The following AP3S1 variants were observed in gnomAD, a reference collection of about 807,000 sequenced individuals.
The protein encoded by AP3S1 is adaptor related protein complex 3 subunit sigma 1, also known as AP-3 complex subunit sigma-1.
Under a neutral mutation model 21.3 loss-of-function variants are expected in AP3S1, and 12 were observed. That is an observed-to-expected ratio of 0.56 (90% CI 0.36 to 0.91). The LOEUF (loss-of-function observed/expected upper bound fraction) is 0.91, where lower values mean the gene tolerates loss of function less well. AP3S1 is among the 40% of genes least tolerant of loss of function. The pLI, the probability that AP3S1 is intolerant of heterozygous loss-of-function variation, is 0.01. For missense variants in AP3S1, 116 were observed against 225.0 expected (o/e 0.52, Z 3.10); for synonymous variants, 48 against 78.4 (o/e 0.61, Z 2.05).
At position 115,844,670 on chromosome 5, in the gene AP3S1, T is replaced by C. The variant is rs140264562; in HGVS notation, c.69+2564T>C. On this transcript the variant is annotated intron_variant, in intron 1 of 5. Coordinates refer to ENST00000316788, the MANE Select transcript of AP3S1 (RefSeq NM_001284.4). Reference sequence around the variant, plus strand: ...GTCATTCTATTCTTGCTGCCTGGAATGTCCTTCCTTTCCATTGCCACGTGT... The same window carrying C: ...GTCATTCTATTCTTGCTGCCTGGAACGTCCTTCCTTTCCATTGCCACGTGT... 6.0e-3 allele frequency among the ~76,000 whole-genome samples: 917 copies of C among 152,306 alleles called. 10 individuals are homozygous for C. Among genetic ancestry groups the C allele is most frequent in the Non-Finnish European group, 7.7e-3 (521 of 68,022 alleles).
Position 115,854,679 on chromosome 5 carries a change from CT to C in AP3S1, c.70-11978del, listed in dbSNP as rs3984983. Among the ~76,000 whole-genome samples the C allele has an allele frequency of 9.8e-3, 1,407 of 143,624 alleles. 6 individuals carry two copies. The highest frequency in any genetic ancestry group is 0.021 in the African/African-American group (849 of 39,552). 94.2% of individuals were successfully genotyped at this position (143,624 alleles called of 152,430 possible). On this transcript the variant is annotated intron_variant, in intron 1 of 5. Coordinates refer to ENST00000316788, the MANE Select transcript of AP3S1 (RefSeq NM_001284.4). ...TCTGAGGCTTTGTCCTCAGATATCTCTTTTTTTTTTTTTAAGTGCAACATAA... is the reference window on the plus strand; with the variant it reads ...TCTGAGGCTTTGTCCTCAGATATCTCTTTTTTTTTTTTAAGTGCAACATAA...
Position 115,866,011 on chromosome 5 carries a change from T to C in AP3S1, c.70-659T>C, listed in dbSNP as rs577558887. ...CGGGGTTTCACTGTGTTGGCCAGGA[T>C]GGTCTCGATCTCCTGACCTTGTGAT... On this transcript the variant is annotated intron_variant, in intron 1 of 5. Coordinates refer to ENST00000316788, the MANE Select transcript of AP3S1 (RefSeq NM_001284.4). 6.6e-5 allele frequency among the ~76,000 whole-genome samples: 10 copies of C among 152,300 alleles called. No homozygotes were observed. In the South Asian group the frequency reaches 1.9e-3, roughly 28 times the overall value.
At chr5:115,905,360 A>T (rs1382471894) in intron 5 of AP3S1, among the ~76,000 whole-genome samples, 1 of 152,224 alleles carries the variant, frequency 6.6e-6, no homozygotes, top group African/African-American at 2.4e-5. Flanking sequence ...TATTTAAAAT[A>T]GTTTAGAATA....
chr5:115,849,056 A>G lies in AP3S1; in HGVS notation c.69+6950A>G, dbSNP rs535991373. Among the ~76,000 whole-genome samples the G allele has an allele frequency of 2.6e-5, 4 of 152,094 alleles. No individual in the cohort carries two copies. In the South Asian group the frequency reaches 8.3e-4, roughly 32 times the overall value. On this transcript the variant is annotated intron_variant, in intron 1 of 5. Coordinates refer to ENST00000316788, the MANE Select transcript of AP3S1 (RefSeq NM_001284.4). ...TGGATACTTTCTGATCTGTCTCTCCATTACACTCTTTCTCTTTTCCTGTCC... is the reference window on the plus strand; with the variant it reads ...TGGATACTTTCTGATCTGTCTCTCCGTTACACTCTTTCTCTTTTCCTGTCC...
At chr5:115,896,997 T>TA (rs1399339897) in intron 4 of AP3S1, among the ~76,000 whole-genome samples, 1 of 152,202 alleles carries the variant, frequency 6.6e-6, no homozygotes, top group Non-Finnish European at 1.5e-5. Flanking sequence ...AATTAAGCTG[T>TA]ACTCATCTGC....
intron 1 of AP3S1, among the ~76,000 whole-genome samples, chr5:115,854,606 C>T (rs1241151230): frequency 2.0e-5 from 3 of 151,904 alleles, no homozygotes; most frequent in African/African-American, 7.3e-5. Context: ...ACTGAATTTT[C>T]TTTGCTAGGG....
Position 115,869,678 on chromosome 5 carries a change from G to C in AP3S1, c.162-339G>C, listed in dbSNP as rs74898206. On this transcript the variant is annotated intron_variant, in intron 2 of 5. Coordinates refer to ENST00000316788, the MANE Select transcript of AP3S1 (RefSeq NM_001284.4). ...CATCAATATATCATCATTGTATTTT[G>C]ATTGTCAGTGTAACACTTGCCACTA... is the stretch of plus-strand genomic sequence containing the variant. Among the ~76,000 whole-genome samples, 462 of 152,200 alleles carry C rather than the reference G, an allele frequency of 3.0e-3. 3 individuals carry two copies. The highest frequency in any genetic ancestry group is 0.011 in the African/African-American group (441 of 41,512).
intron 3 of AP3S1, among the ~76,000 whole-genome samples, chr5:115,886,220 A>G (rs975582697): frequency 3.3e-5 from 5 of 152,162 alleles, no homozygotes; most frequent in African/African-American, 1.2e-4. Context: ...GAACAGTGGT[A>G]ATGCCACAAT....
At chr5:115,874,237 A>G (rs947565872) in intron 3 of AP3S1, among the ~76,000 whole-genome samples, 1 of 152,060 alleles carries the variant, frequency 6.6e-6, no homozygotes, top group Non-Finnish European at 1.5e-5. Flanking sequence ...TTTTAGTGTG[A>G]TATTAACTGC....
At chr5:115,887,124 C>T (rs978011613) in intron 3 of AP3S1, among the ~76,000 whole-genome samples, 5 of 152,124 alleles carry the variant, frequency 3.3e-5, no homozygotes, top group African/African-American at 1.2e-4. Context: ...AATTGTTCTT[C>T]AAAGGTAAAT....
intron 3 of AP3S1, among the ~76,000 whole-genome samples, chr5:115,873,509 A>G (rs1044394169): frequency 2.6e-5 from 4 of 152,166 alleles, no homozygotes; most frequent in African/African-American, 9.6e-5. Flanking sequence ...AATTCACCTT[A>G]TAGGTACTAT....
At chr5:115,862,963 A>G (rs1763312507) in intron 1 of AP3S1, among the ~76,000 whole-genome samples, 1 of 152,214 alleles carries the variant, frequency 6.6e-6, no homozygotes, top group Non-Finnish European at 1.5e-5. Flanking sequence ...GGACTATTGT[A>G]AAGAAAATAA....
intron 1 of AP3S1, among the ~76,000 whole-genome samples, chr5:115,863,965 G>A (rs1763402757): frequency 6.6e-6 from 1 of 152,160 alleles, no homozygotes; most frequent in African/African-American, 2.4e-5. Context: ...ATGTCTGCCT[G>A]AACAGATTTT....
intron 3 of AP3S1, among the ~76,000 whole-genome samples, chr5:115,886,374 C>A (rs1377007268): frequency 6.6e-6 from 1 of 152,078 alleles, no homozygotes; most frequent in African/African-American, 2.4e-5. Context: ...CCACCTCTGC[C>A]ACCCCTGAGA....
At chr5:115,878,780 C>T (rs528848287) in intron 3 of AP3S1, among the ~76,000 whole-genome samples, 2 of 152,262 alleles carry the variant, frequency 1.3e-5, no homozygotes, top group Admixed American at 1.3e-4. Flanking sequence ...CTATAAATTA[C>T]GTTGGACAGT....
chr5:115,862,583 C>G (rs567117942), intron 1 of AP3S1, among the ~76,000 whole-genome samples: 18 of 152,288 alleles, frequency 1.2e-4, no homozygotes, highest in African/African-American at 4.3e-4. Flanking sequence ...GTAGTTTGTA[C>G]TGTACTACTG....
Position 115,842,116 on chromosome 5 carries a change from C to CA in AP3S1, c.69+11dup. ...GTTCTACCAGCCCTACGTGAGTATC[C>CA]AGCCGCCGCTGATCCGGGCGAGGGG... On this transcript the variant is annotated intron_variant, in intron 1 of 5. Transcript: ENST00000316788. 7.7e-7 allele frequency: 1 copy of CA among 1,296,250 alleles called. No individual in the cohort carries two copies. The highest frequency in any genetic ancestry group is 1.0e-6 in the Non-Finnish European group (1 of 993,650). The allele number at this position is 1,296,250 out of a possible 1,614,324, so 80.3% of individuals were successfully genotyped here.
chr5:115,880,145 A>C (rs1170368894), intron 3 of AP3S1, among the ~76,000 whole-genome samples: 5 of 152,270 alleles, frequency 3.3e-5, no homozygotes, highest in African/African-American at 9.6e-5. Flanking sequence ...AGTCTTTTCA[A>C]AAAACCAGCT....
chr5:115,870,314 A>G (rs1258471179), intron 3 of AP3S1, among the ~76,000 whole-genome samples, 186 bp downstream of exon 3: 3 of 152,214 alleles, frequency 2.0e-5, no homozygotes, highest in Non-Finnish European at 2.9e-5. Context: ...GATTAAAACT[A>G]TCATAACTAG....
Sources: allele counts gnomAD v4.1 joint callset (sites outside exome capture counted in the v4.1 genomes callset), GRCh38; gene constraint gnomAD v4.1.1; transcripts MANE v1.5; gene names NCBI Gene and HGNC (gene_info 2026-07-23, HGNC 2026-07-21).